Variants in ARSB observed in about 807,000 individuals in gnomAD.
ARSB encodes the protein arylsulfatase B.
A neutral mutation model predicts 50.9 loss-of-function variants in ARSB; 41 were observed. The observed-to-expected ratio is 0.81, with a 90% CI of 0.63 to 1.04. The LOEUF (loss-of-function observed/expected upper bound fraction) is 1.04. Ranked by LOEUF, ARSB falls within the 50% of genes least tolerant of loss-of-function variation. The pLI, the probability that ARSB is intolerant of heterozygous loss-of-function variation, is 0.00. For missense variants in ARSB, 672 were observed against 693.3 expected (o/e 0.97, Z 0.35); for synonymous variants, 269 against 284.8 (o/e 0.94, Z 0.56).
At chr5:78,808,755 G>A (rs1456854124) in intron 6 of ARSB, among the ~76,000 whole-genome samples, 1 of 152,198 alleles carries the variant, frequency 6.6e-6, no homozygotes, top group Non-Finnish European at 1.5e-5. Context: ...CAGCCTTCAA[G>A]ACAGGTCAGC....
intron 6 of ARSB, among the ~76,000 whole-genome samples, chr5:78,833,249 A>T (rs1038438273): frequency 2.0e-5 from 3 of 152,116 alleles, no homozygotes; most frequent in African/African-American, 7.2e-5. Flanking sequence ...AGAGGTTTCC[A>T]GGCTTTCCCA....
intron 1 of ARSB, among the ~76,000 whole-genome samples, chr5:78,973,599 G>T (rs1039100121): frequency 6.6e-6 from 1 of 152,126 alleles, no homozygotes; most frequent in African/African-American, 2.4e-5. Flanking sequence ...CTCTTGCTGG[G>T]GGAGAGGAAG....
intron 4 of ARSB, among the ~76,000 whole-genome samples, chr5:78,941,021 T>C (rs1750889288): frequency 6.6e-6 from 1 of 150,810 alleles, no homozygotes; most frequent in African/African-American, 2.4e-5. Flanking sequence ...GTTGGATTCC[T>C]AGGTATTTTA....
chr5:78,947,234 G>T (rs976409162), intron 4 of ARSB, among the ~76,000 whole-genome samples: 1 of 152,146 alleles, frequency 6.6e-6, no homozygotes, highest in Non-Finnish European at 1.5e-5. Context: ...GACTTCTTGT[G>T]TAATATCCCA....
chr5:78,981,634 C>G (rs1482680577), intron 1 of ARSB, among the ~76,000 whole-genome samples: 2 of 152,252 alleles, frequency 1.3e-5, no homozygotes, highest in African/African-American at 4.8e-5. Flanking sequence ...TTCAGCCCAA[C>G]TCCTCTGTTT....
intron 6 of ARSB, among the ~76,000 whole-genome samples, chr5:78,830,508 T>C (rs1017378632): frequency 6.6e-6 from 1 of 152,160 alleles, no homozygotes; most frequent in East Asian, 1.9e-4. Context: ...AGTTAATTAG[T>C]GTTTTTAAAG....
chr5:78,870,090 T>C (rs1261324803), intron 5 of ARSB, among the ~76,000 whole-genome samples: 1 of 132,766 alleles, frequency 7.5e-6, no homozygotes, highest in African/African-American at 2.7e-5. Flanking sequence ...CCTCGACACA[T>C]ACACTCTCCC....
At chr5:78,803,313 A>G (rs573013382) in intron 6 of ARSB, among the ~76,000 whole-genome samples, 1 of 152,338 alleles carries the variant, frequency 6.6e-6, no homozygotes, top group Non-Finnish European at 1.5e-5. Context: ...TATTAATACA[A>G]TTAAATTAGC....
intron 1 of ARSB, among the ~76,000 whole-genome samples, chr5:78,976,798 C>CA (rs1752690775): frequency 6.6e-6 from 1 of 152,094 alleles, no homozygotes; most frequent in South Asian, 2.1e-4. Flanking sequence ...AAAACTGACA[C>CA]AAAAAAAGTT....
At chr5:78,837,042 C>T (rs1238847122) in intron 6 of ARSB, among the ~76,000 whole-genome samples, 3 of 152,270 alleles carry the variant, frequency 2.0e-5, no homozygotes, top group East Asian at 1.9e-4. Context: ...AGTCACCTCC[C>T]GCCGGGCCCC....
At chr5:78,949,503 AGGAAATGAAATT>A (rs1313745963) in intron 4 of ARSB, among the ~76,000 whole-genome samples, 1 of 152,238 alleles carries the variant, frequency 6.6e-6, no homozygotes, top group African/African-American at 2.4e-5. Context: ...TTTCAACTTC[AGGAAATGAAATT>A]GTCAATAAAC....
At position 78,937,271 on chromosome 5, in the gene ARSB, C is replaced by CAT. The variant is rs34309008; in HGVS notation, c.898+18022_898+18023dup. 4.1e-3 allele frequency among the ~76,000 whole-genome samples: 542 copies of CAT among 131,702 alleles called. 14 individuals are homozygous for CAT. Among genetic ancestry groups the CAT allele is most frequent in the African/African-American group, 0.016 (529 of 33,816 alleles). The allele number at this position is 131,702 out of a possible 152,430, so 86.4% of individuals were successfully genotyped here. On this transcript the variant is annotated intron_variant, in intron 4 of 7. Coordinates refer to ENST00000264914, the MANE Select transcript of ARSB (RefSeq NM_000046.5). ...GGAAGTTCGATATATATATATCTTACATATATATGTAAGATATATATATGT... is the reference window on the plus strand; with the variant it reads ...GGAAGTTCGATATATATATATCTTACATATATATATGTAAGATATATATATGT...
intron 5 of ARSB, among the ~76,000 whole-genome samples, chr5:78,878,659 T>C (rs1005521899): frequency 1.3e-5 from 2 of 151,912 alleles, no homozygotes; most frequent in Admixed American, 1.3e-4. Flanking sequence ...ATCTGTAAAA[T>C]TGAGGTGAAA....
At chr5:78,867,540 A>AC (rs1347270742) in intron 5 of ARSB, among the ~76,000 whole-genome samples, 1 of 151,866 alleles carries the variant, frequency 6.6e-6, no homozygotes, top group African/African-American at 2.4e-5. Flanking sequence ...ACTGGGAGGC[A>AC]CCCCCCAGCA....
chr5:78,911,239 G>A (rs1749292741), intron 4 of ARSB, among the ~76,000 whole-genome samples: 1 of 152,028 alleles, frequency 6.6e-6, no homozygotes. Context: ...GTATGTCAAA[G>A]GGGAATGTTT....
At chr5:78,924,435 G>A (rs748755017) in intron 4 of ARSB, among the ~76,000 whole-genome samples, 3 of 152,186 alleles carry the variant, frequency 2.0e-5, no homozygotes, top group Admixed American at 2.0e-4. Context: ...CTACTTGGCC[G>A]TGATAAGTCA....
chr5:78,925,791 T>C (rs1750016676), intron 4 of ARSB, among the ~76,000 whole-genome samples: 1 of 152,214 alleles, frequency 6.6e-6, no homozygotes, highest in African/African-American at 2.4e-5. Flanking sequence ...GACAAATGAC[T>C]TCCCTGTGTT....
At chr5:78,899,256 C>T (rs988664411) in intron 4 of ARSB, among the ~76,000 whole-genome samples, 4 of 152,076 alleles carry the variant, frequency 2.6e-5, no homozygotes, top group African/African-American at 7.2e-5. Context: ...TTGTCCTTGA[C>T]CTTTGAGAGT....
intron 4 of ARSB, among the ~76,000 whole-genome samples, chr5:78,901,795 A>G (rs1382299364): frequency 6.6e-6 from 1 of 152,278 alleles, no homozygotes; most frequent in Non-Finnish European, 1.5e-5. Flanking sequence ...TTAGTCATCC[A>G]AGAGGCACAA....
Sources: allele counts gnomAD v4.1 joint callset (sites outside exome capture counted in the v4.1 genomes callset), GRCh38; gene constraint gnomAD v4.1.1; transcripts MANE v1.5; gene names NCBI Gene and HGNC (gene_info 2026-07-23, HGNC 2026-07-21).